The following TMEM100 variants were observed in gnomAD, a reference collection of about 807,000 sequenced individuals.
TMEM100 encodes the protein transmembrane protein 100.
For synonymous variants in TMEM100, 61 were observed against 67.1 expected, an observed-to-expected ratio of 0.91 and a Z score of 0.44; for missense variants, 137 against 168.2, an observed-to-expected ratio of 0.81 and a Z score of 1.02.
upstream of TMEM100, among the ~76,000 whole-genome samples, chr17:55,724,828 G>A (rs530117352): frequency 1.3e-3 from 198 of 152,240 alleles, no homozygotes; most frequent in African/African-American, 4.4e-3. Flanking sequence ...ATAATGAGGC[G>A]CAGTGAGTGT....
upstream of TMEM100, among the ~76,000 whole-genome samples, chr17:55,725,637 G>A (rs181142589): frequency 2.6e-5 from 4 of 151,716 alleles, no homozygotes; most frequent in Admixed American, 1.3e-4. Context: ...TTTGGCAAGA[G>A]GAAATCCCTT....
chr17:55,724,446 A>T (rs1909008856), upstream of TMEM100, among the ~76,000 whole-genome samples: 1 of 152,212 alleles, frequency 6.6e-6, no homozygotes, highest in Non-Finnish European at 1.5e-5. Flanking sequence ...CAGCTTTCAT[A>T]TCTGAGGAGT....
intron 1 of TMEM100, among the ~76,000 whole-genome samples, chr17:55,728,520 C>T (rs1437000532): frequency 3.9e-5 from 6 of 152,200 alleles, no homozygotes; most frequent in Non-Finnish European, 8.8e-5. Flanking sequence ...GTGGAAGATG[C>T]CATAGCAGTC....
At chr17:55,725,212 T>G (rs567542859), upstream of TMEM100, among the ~76,000 whole-genome samples, 1 of 152,276 alleles carries the variant, frequency 6.6e-6, no homozygotes, top group South Asian at 2.1e-4. Flanking sequence ...CTACAAAGTA[T>G]TAAACACCCC....
chr17:55,722,694 C>T lies in TMEM100; in HGVS notation c.-141G>A, dbSNP rs1002352607. 1.3e-5 allele frequency: 2 copies of T among 152,192 alleles called. No individual in the cohort carries two copies. The highest frequency in any genetic ancestry group is 2.4e-5 in the African/African-American group (1 of 41,420). 9.4% of individuals were successfully genotyped at this position (152,192 alleles called of 1,614,324 possible). ...AGAAACAGCAACGCCTGAGCCTCTT[C>T]GTCCAACTTCTGGGAAAGAGCCTCT... On this transcript the variant is annotated 5_prime_UTR_variant, in exon 1 of 2. Transcript: ENST00000424486.
At chr17:55,728,845 C>T (rs1909134590) in intron 1 of TMEM100, among the ~76,000 whole-genome samples, 3 of 151,978 alleles carry the variant, frequency 2.0e-5, no homozygotes, top group African/African-American at 7.3e-5. Flanking sequence ...CTTCATGGCA[C>T]ACAGGCATTT....
rs1358340440 is a variant in TMEM100, at chr17:55,720,791, A to T, written c.280T>A (p.Ser94Thr). 2 of 1,614,222 alleles carry T rather than the reference A, an allele frequency of 1.2e-6. No homozygotes were observed. The highest frequency in any genetic ancestry group is 2.2e-5 in the South Asian group (2 of 91,088). The change falls in exon 2 of 2, where the codon TCA becomes ACA. Residue 94 changes from serine (S) to threonine (T), a missense_variant. By Grantham distance (58) the Ser-to-Thr change is moderately conservative. Transcript: ENST00000424486. ...IISIFGLVVL[S>T]SGLFLLASSA... Reference sequence around the variant, plus strand: ...GAGGCTAGTAAAAAAAGTCCAGATGACAGAACAACCAGGCCAAAGATGGAG... The same window carrying T: ...GAGGCTAGTAAAAAAAGTCCAGATGTCAGAACAACCAGGCCAAAGATGGAG...
intron 1 of TMEM100, among the ~76,000 whole-genome samples, chr17:55,728,415 G>C (rs1567923853): frequency 6.6e-6 from 1 of 152,166 alleles, no homozygotes; most frequent in Non-Finnish European, 1.5e-5. Flanking sequence ...ATTTTGCCTT[G>C]TATACATCTG....
At position 55,719,987 on chromosome 17, in the gene TMEM100, G is replaced by C. The variant is rs1261404179; in HGVS notation, c.*679C>G. The C allele has an allele frequency of 6.6e-6, 1 of 152,556 alleles. No homozygotes were observed. The highest frequency in any genetic ancestry group is 1.9e-4 in the East Asian group (1 of 5,200). 9.5% of individuals were successfully genotyped at this position (152,556 alleles called of 1,614,324 possible). ...CTTTTATATAAAAATCATCAAAAGT[G>C]CTATATTGGATTATTTTACTATTAA... is the stretch of plus-strand genomic sequence containing the variant. On this transcript the variant is annotated 3_prime_UTR_variant, in exon 2 of 2. Transcript: ENST00000424486.
intron 1 of TMEM100, 90 bp from the exon 2 acceptor site, chr17:55,721,225 A>G: frequency 2.4e-6 from 2 of 846,308 alleles, no homozygotes; most frequent in Non-Finnish European, 3.5e-6. Flanking sequence ...CCTCCTTTCT[A>G]GGAGGCACAG....
At chr17:55,727,359 A>G (rs1163270981), upstream of TMEM100, among the ~76,000 whole-genome samples, 2 of 152,222 alleles carry the variant, frequency 1.3e-5, no homozygotes, top group Non-Finnish European at 2.9e-5. Context: ...TCCTAAGACA[A>G]ATGCACACTC....
intron 1 of TMEM100, among the ~76,000 whole-genome samples, chr17:55,728,319 C>T (rs962825363): frequency 1.3e-5 from 2 of 152,104 alleles, no homozygotes; most frequent in Non-Finnish European, 2.9e-5. Context: ...TTCTTGGGTT[C>T]AGGGTGATAT....
chr17:55,726,535 A>G (rs1258234559), upstream of TMEM100, among the ~76,000 whole-genome samples: 1 of 152,162 alleles, frequency 6.6e-6, no homozygotes, highest in Non-Finnish European at 1.5e-5. Context: ...CCCCATGTGC[A>G]TTTGATTACT....
upstream of TMEM100, among the ~76,000 whole-genome samples, chr17:55,725,393 C>T (rs1909036803): frequency 6.6e-6 from 1 of 152,106 alleles, no homozygotes; most frequent in Non-Finnish European, 1.5e-5. Flanking sequence ...TTTCTCAAAG[C>T]CTCCAATGCA....
At chr17:55,728,979 T>C (rs1909137473) in intron 1 of TMEM100, among the ~76,000 whole-genome samples, 1 of 152,212 alleles carries the variant, frequency 6.6e-6, no homozygotes, top group Admixed American at 6.5e-5. Flanking sequence ...TGGCAGAATT[T>C]TAAAGAGCAC....
chr17:55,724,974 C>G (rs1339455962), upstream of TMEM100, among the ~76,000 whole-genome samples: 1 of 152,196 alleles, frequency 6.6e-6, no homozygotes, highest in Non-Finnish European at 1.5e-5. Context: ...CACAGGTACA[C>G]ATCTCTAGAC....
At position 55,720,951 on chromosome 17, in the gene TMEM100, A is replaced by C. The variant is rs1290254911; in HGVS notation, c.120T>G (p.Ile40Met). ...TACCCCCTGTAGCAGCCATCAACTGAATCTCACTGACCAGAGGGACTGTGG... is the reference window on the plus strand; with the variant it reads ...TACCCCCTGTAGCAGCCATCAACTGCATCTCACTGACCAGAGGGACTGTGG... ...VITTVPLVSE[I>M]QLMAATGGTE... Residue 40 changes from isoleucine (I) to methionine (M), a missense_variant, in exon 2 of 2, where the codon ATT becomes ATG. Transcript: ENST00000424486. The C allele has an allele frequency of 6.2e-7, 1 of 1,614,200 alleles. No homozygotes were observed. Among genetic ancestry groups the C allele is most frequent in the Admixed American group, 1.7e-5 (1 of 60,028 alleles).
chr17:55,721,250 C>A, intron 1 of TMEM100, 115 bp from the exon 2 acceptor site: 1 of 651,676 alleles, frequency 1.5e-6, no homozygotes, highest in Admixed American at 3.6e-5. Context: ...ATGTGAAAAG[C>A]AACTTTACTC....
intron 1 of TMEM100, among the ~76,000 whole-genome samples, chr17:55,731,057 C>T (rs1567924520): frequency 6.6e-6 from 1 of 152,186 alleles, no homozygotes; most frequent in African/African-American, 2.4e-5. Flanking sequence ...ACCGAGTCTA[C>T]TTTGAATTCC....
Sources: allele counts gnomAD v4.1 joint callset (sites outside exome capture counted in the v4.1 genomes callset), GRCh38; gene constraint gnomAD v4.1.1; transcripts MANE v1.5; gene names NCBI Gene and HGNC (gene_info 2026-07-23, HGNC 2026-07-21).